MARCHF4: variants seen among roughly 807,000 people sequenced by gnomAD.
The protein encoded by MARCHF4 is membrane associated ring-CH-type finger 4.
Under a neutral mutation model 43.9 loss-of-function variants are expected in MARCHF4, and 14 were observed. The ratio of observed to expected loss-of-function variants is 0.32; its 90% CI spans 0.21 to 0.50. MARCHF4 has a LOEUF of 0.50. Among genes scored for constraint, MARCHF4 ranks in the 20% least tolerant of loss-of-function variants. The pLI is 0.98. For synonymous variants in MARCHF4, 226 were observed against 213.3 expected (o/e 1.06, Z -0.52); for missense variants, 468 against 536.7 (o/e 0.87, Z 1.27).
At position 216,321,267 on chromosome 2, in the gene MARCHF4, G is replaced by A. The variant is rs535914094; in HGVS notation, c.517-37538C>T. Among the ~76,000 whole-genome samples the A allele has an allele frequency of 2.6e-5, 4 of 152,148 alleles. No individual in the cohort carries two copies. In the South Asian group the frequency reaches 6.2e-4, roughly 24 times the overall value. ...ATACCGACTATGTGCCAGGCAATAG[G>A]AATGCAATGGTAAATACAAATAGAA... On this transcript the variant is annotated intron_variant, in intron 1 of 3. Coordinates refer to ENST00000273067, the MANE Select transcript of MARCHF4 (RefSeq NM_020814.3).
intron 1 of MARCHF4, among the ~76,000 whole-genome samples, chr2:216,337,443 T>C (rs921308073): frequency 1.3e-5 from 2 of 152,208 alleles, no homozygotes; most frequent in Non-Finnish European, 2.9e-5. Context: ...GCCATATGCA[T>C]GTGACTGAGT....
chr2:216,298,426 C>G, intron 1 of MARCHF4, among the ~76,000 whole-genome samples: 1 of 151,926 alleles, frequency 6.6e-6, no homozygotes, highest in East Asian at 1.9e-4. Context: ...CCACCACGCT[C>G]AGCTCATTTT....
intron 1 of MARCHF4, among the ~76,000 whole-genome samples, chr2:216,286,498 G>T (rs544579253): frequency 2.7e-5 from 4 of 149,452 alleles, no homozygotes; most frequent in African/African-American, 9.8e-5. Flanking sequence ...TGCCAGCCTG[G>T]GCGACAGAGT....
intron 1 of MARCHF4, among the ~76,000 whole-genome samples, chr2:216,354,330 A>G (rs1692449143): frequency 6.6e-6 from 1 of 152,190 alleles, no homozygotes; most frequent in African/African-American, 2.4e-5. Flanking sequence ...ATACATTTCC[A>G]CATGGAGAAT....
intron 1 of MARCHF4, among the ~76,000 whole-genome samples, chr2:216,319,418 C>T (rs577533579): frequency 1.2e-4 from 18 of 152,254 alleles, no homozygotes; most frequent in Admixed American, 3.3e-4. Flanking sequence ...GCACGGCAGA[C>T]ACTCATAAAT....
chr2:216,286,232 A>G (rs1412094548), intron 1 of MARCHF4, among the ~76,000 whole-genome samples: 2 of 152,230 alleles, frequency 1.3e-5, no homozygotes, highest in East Asian at 1.9e-4. Context: ...TGCTTCTGGC[A>G]TTACAAATAT....
At chr2:216,260,367 G>A (rs1266547288) in intron 3 of MARCHF4, among the ~76,000 whole-genome samples, 1 of 152,200 alleles carries the variant, frequency 6.6e-6, no homozygotes, top group Non-Finnish European at 1.5e-5. Context: ...ACAATTTCAG[G>A]TGCTGACAAT....
chr2:216,289,468 G>A (rs1691274019), intron 1 of MARCHF4, among the ~76,000 whole-genome samples: 1 of 152,132 alleles, frequency 6.6e-6, no homozygotes, highest in South Asian at 2.1e-4. Flanking sequence ...GTCCCAACTA[G>A]AAACTTGTGA....
intron 1 of MARCHF4, among the ~76,000 whole-genome samples, chr2:216,363,905 T>G (rs909998674): frequency 2.6e-5 from 4 of 152,134 alleles, no homozygotes; most frequent in Non-Finnish European, 5.9e-5. Flanking sequence ...ACCCCTTGAA[T>G]TGGAGAGGCT....
intron 1 of MARCHF4, among the ~76,000 whole-genome samples, chr2:216,298,892 A>C (rs1327601508): frequency 6.6e-6 from 1 of 152,206 alleles, no homozygotes; most frequent in African/African-American, 2.4e-5. Flanking sequence ...TGGAATTACT[A>C]ATTCAAAAGG....
chr2:216,326,630 C>T (rs1320817700), intron 1 of MARCHF4, among the ~76,000 whole-genome samples: 1 of 151,988 alleles, frequency 6.6e-6, no homozygotes. Context: ...ACTATGCAGC[C>T]GTAAAAAATG....
chr2:216,292,203 T>G lies in MARCHF4; in HGVS notation c.517-8474A>C, dbSNP rs540665458. Among the ~76,000 whole-genome samples, 4 of 152,344 alleles carry G rather than the reference T, an allele frequency of 2.6e-5. No individual in the cohort carries two copies. In the South Asian group the frequency reaches 8.3e-4, roughly 32 times the overall value. On this transcript the variant is annotated intron_variant, in intron 1 of 3. Transcript: ENST00000273067. ...TGGGGTTTTACTTCCCCTTCACACT[T>G]TATTTACAACCCCACCCTTGGTGAG...
chr2:216,358,303 T>A (rs1692530705), intron 1 of MARCHF4, among the ~76,000 whole-genome samples: 1 of 152,256 alleles, frequency 6.6e-6, no homozygotes, highest in African/African-American at 2.4e-5. Context: ...TCAACCTTGC[T>A]AATTTTCTCC....
At chr2:216,274,037 C>T (rs761368688) in intron 3 of MARCHF4, among the ~76,000 whole-genome samples, 2 of 152,242 alleles carry the variant, frequency 1.3e-5, no homozygotes, top group Non-Finnish European at 2.9e-5. Context: ...GGGGCAACCC[C>T]TGGTTAATGG....
At chr2:216,279,362 T>A (rs1214046941) in intron 2 of MARCHF4, among the ~76,000 whole-genome samples, 1 of 152,040 alleles carries the variant, frequency 6.6e-6, no homozygotes, top group Non-Finnish European at 1.5e-5. Flanking sequence ...GAATGAGAGA[T>A]CACACAGAAC....
chr2:216,310,236 C>A (rs898115483), intron 1 of MARCHF4, among the ~76,000 whole-genome samples: 2 of 152,038 alleles, frequency 1.3e-5, no homozygotes, highest in African/African-American at 2.4e-5. Flanking sequence ...CACTTTGGGG[C>A]AGTACTAATC....
chr2:216,356,107 T>C (rs1692497867), intron 1 of MARCHF4, among the ~76,000 whole-genome samples: 1 of 152,268 alleles, frequency 6.6e-6, no homozygotes, highest in African/African-American at 2.4e-5. Context: ...AATAAAAATA[T>C]ACAACCCACA....
intron 1 of MARCHF4, among the ~76,000 whole-genome samples, chr2:216,364,079 CTTTGATAGAAAG>C (rs1692629212): frequency 6.6e-6 from 1 of 152,130 alleles, no homozygotes; most frequent in Non-Finnish European, 1.5e-5. Flanking sequence ...CTTGGGACAG[CTTTGATAGAAAG>C]TTTGTATAAT....
chr2:216,264,965 C>T (rs1052980565), intron 3 of MARCHF4, among the ~76,000 whole-genome samples: 1 of 152,144 alleles, frequency 6.6e-6, no homozygotes, highest in Non-Finnish European at 1.5e-5. Flanking sequence ...CCCTGCTCTA[C>T]AAATTTCTTA....
Sources: gnomAD v4.1 joint callset for allele counts (sites outside exome capture counted in the v4.1 genomes callset) on GRCh38, gnomAD v4.1.1 for gene constraint, MANE v1.5 for transcripts, NCBI Gene and HGNC (gene_info 2026-07-23, HGNC 2026-07-21) for gene names.